The following EPAS1 variants were observed in gnomAD, a reference collection of about 807,000 sequenced individuals.
EPAS1 encodes the protein endothelial PAS domain protein 1.
A neutral mutation model predicts 87.9 loss-of-function variants in EPAS1; 23 were observed. The ratio of observed to expected loss-of-function variants is 0.26; its 90% CI spans 0.19 to 0.37. EPAS1 has a LOEUF of 0.37. Ranked by LOEUF, EPAS1 falls within the 10% of genes least tolerant of loss-of-function variation. EPAS1 has a pLI of 1.00. For synonymous variants in EPAS1, 508 were observed against 444.3 expected (o/e 1.14, Z -1.80); for missense variants, 1,138 against 1,120.7 (o/e 1.02, Z -0.22).
intron 15 of EPAS1, 122 bp from the exon 16 acceptor site, chr2:46,384,387 C>G: frequency 7.2e-7 from 1 of 1,381,004 alleles, no homozygotes; most frequent in East Asian, 2.3e-5. Flanking sequence ...GGGACAGACA[C>G]CACTGAAGGA....
chr2:46,369,953 C>A lies in EPAS1; in HGVS notation c.886+20C>A. The A allele has an allele frequency of 6.3e-7, 1 of 1,576,044 alleles. No homozygotes were observed. The highest frequency in any genetic ancestry group is 1.1e-5 in the South Asian group (1 of 88,508). ...AGAACTGTGAGTTCCAGGAGTGCCC[C>A]TTGTGGCTTCCTTGTGTCTGTGGTA... is the stretch of plus-strand genomic sequence containing the variant. On this transcript the variant is annotated intron_variant, in intron 7 of 15. Transcript: ENST00000263734.
At chr2:46,314,145 G>A (rs1036972799) in intron 1 of EPAS1, among the ~76,000 whole-genome samples, 2 of 152,088 alleles carry the variant, frequency 1.3e-5, no homozygotes, top group African/African-American at 2.4e-5. Flanking sequence ...TGTCTCTCTT[G>A]GCACCTTATT....
intron 2 of EPAS1, among the ~76,000 whole-genome samples, chr2:46,354,596 G>A (rs1684233988): frequency 6.6e-6 from 1 of 150,936 alleles, no homozygotes; most frequent in Non-Finnish European, 1.5e-5. Flanking sequence ...GTGGTTCCGG[G>A]TGGAAGTTTT....
Position 46,346,723 on chromosome 2 carries a change from G to C in EPAS1, c.27-150G>C. 1 of 770,262 alleles carries C rather than the reference G, an allele frequency of 1.3e-6. No individual in the cohort carries two copies. The highest frequency in any genetic ancestry group is 2.2e-6 in the Non-Finnish European group (1 of 455,890). The allele number at this position is 770,262 out of a possible 1,614,324, so 47.7% of individuals were successfully genotyped here. A position where few individuals can be genotyped will look rare whatever the true frequency, so the allele number is the denominator to read the frequency against. On this transcript the variant is annotated intron_variant, in intron 1 of 15. Transcript: ENST00000263734. This position sits in a 1 kb window ranked among gnomAD's most constrained non-coding sequence, Gnocchi z 4.0. ...CAGAGCTAACAATACAAAGCAGGTT[G>C]TGTGTGGCTCAGACAACTGGTGTGA...
At chr2:46,358,436 C>G (rs1244502761) in intron 4 of EPAS1, among the ~76,000 whole-genome samples, 1 of 152,184 alleles carries the variant, frequency 6.6e-6, no homozygotes, top group East Asian at 1.9e-4. Context: ...GTGCTTGAAG[C>G]CTGAGAAAGC....
In EPAS1 at chr2:46,375,487, T is replaced by A; in HGVS notation, c.887-203T>A. The A allele has an allele frequency of 1.6e-6, 1 of 643,086 alleles. No homozygotes were observed. Among genetic ancestry groups the A allele is most frequent in the South Asian group, 1.8e-5 (1 of 54,936 alleles). 39.8% of individuals were successfully genotyped at this position (643,086 alleles called of 1,614,324 possible). Reference sequence around the variant, plus strand: ...AAGTCATTTCACCTCTTCTCACCTCTTTTTCCTATATTTAAAATGAAGAGT... The same window carrying A: ...AAGTCATTTCACCTCTTCTCACCTCATTTTCCTATATTTAAAATGAAGAGT... On this transcript the variant is annotated intron_variant, in intron 7 of 15. Coordinates refer to ENST00000263734, the MANE Select transcript of EPAS1 (RefSeq NM_001430.5). This position sits in a 1 kb window ranked among gnomAD's most constrained non-coding sequence, Gnocchi z 4.1.
chr2:46,347,284 G>A lies in EPAS1; in HGVS notation c.217+221G>A. The A allele has an allele frequency of 1.6e-6, 1 of 616,102 alleles. No homozygotes were observed. Among genetic ancestry groups the A allele is most frequent in the Middle Eastern group, 4.3e-4 (1 of 2,310 alleles). The allele number at this position is 616,102 out of a possible 1,614,324, so 38.2% of individuals were successfully genotyped here. The stretch of plus-strand genomic sequence containing the variant: ...CAGCTGTGAGAGGAGGGCAGGGACA[G>A]GACCAGGGAAGAACATGGGCACCCA... On this transcript the variant is annotated intron_variant, in intron 2 of 15. Coordinates refer to ENST00000263734, the MANE Select transcript of EPAS1 (RefSeq NM_001430.5). This position sits in a 1 kb window ranked among gnomAD's most constrained non-coding sequence, Gnocchi z 4.2.
chr2:46,372,185 C>T (rs1684640050), intron 7 of EPAS1, among the ~76,000 whole-genome samples: 1 of 152,168 alleles, frequency 6.6e-6, no homozygotes, highest in South Asian at 2.1e-4. Context: ...GTAAAGCTGC[C>T]CTGAGCTCAG....
At chr2:46,326,024 A>C (rs181230481) in intron 1 of EPAS1, among the ~76,000 whole-genome samples, 1 of 152,346 alleles carries the variant, frequency 6.6e-6, no homozygotes, top group East Asian at 1.9e-4. Context: ...CATGGGTGCT[A>C]TTTTGAATAT....
intron 1 of EPAS1, among the ~76,000 whole-genome samples, chr2:46,328,089 A>G (rs764495794): frequency 1.3e-5 from 2 of 152,208 alleles, no homozygotes; most frequent in African/African-American, 2.4e-5. Flanking sequence ...CAGAGTCCAT[A>G]TGCAGATCGG....
chr2:46,382,376 C>G (rs1346040978), intron 14 of EPAS1, 49 bp from the exon 15 acceptor site: 1 of 1,606,094 alleles, frequency 6.2e-7, no homozygotes, highest in South Asian at 1.1e-5. Context: ...CTGGCCTCTC[C>G]CCTCCCTCAG....
At chr2:46,332,264 T>G (rs1373000558) in intron 1 of EPAS1, among the ~76,000 whole-genome samples, 2 of 122,186 alleles carry the variant, frequency 1.6e-5, no homozygotes, top group Admixed American at 1.0e-4. Flanking sequence ...ACAGAACTGG[T>G]GTTTCACAGA....
chr2:46,365,444 C>T (rs1018705054), intron 6 of EPAS1, among the ~76,000 whole-genome samples: 15 of 152,032 alleles, frequency 9.9e-5, no homozygotes, highest in African/African-American at 3.6e-4. Context: ...TGTTTTTCTA[C>T]AAAGAAGTTG....
intron 1 of EPAS1, among the ~76,000 whole-genome samples, chr2:46,308,369 T>A (rs1405508367): frequency 2.0e-5 from 3 of 150,878 alleles, no homozygotes; most frequent in Non-Finnish European, 3.0e-5. Context: ...GACACTTTAT[T>A]TGTTTTTGCC....
intron 1 of EPAS1, among the ~76,000 whole-genome samples, chr2:46,323,100 A>G (rs1359773034): frequency 6.6e-6 from 1 of 151,970 alleles, no homozygotes; most frequent in Non-Finnish European, 1.5e-5. Context: ...CAGCACTCCC[A>G]TGGCGACCTC....
intron 1 of EPAS1, among the ~76,000 whole-genome samples, chr2:46,307,987 A>G (rs1258968201): frequency 2.0e-5 from 3 of 152,174 alleles, no homozygotes; most frequent in Non-Finnish European, 4.4e-5. Context: ...TCCCAAGGGC[A>G]GCCACCATGG....
At chr2:46,356,589 C>T in intron 3 of EPAS1, 135 bp from the exon 4 acceptor site, 1 of 778,312 alleles carries the variant, frequency 1.3e-6, no homozygotes. Flanking sequence ...GTGGACCTGA[C>T]ACTGGACTGG....
chr2:46,342,635 CTCACT>C (rs1683934353), intron 1 of EPAS1, among the ~76,000 whole-genome samples: 1 of 152,166 alleles, frequency 6.6e-6, no homozygotes, highest in Admixed American at 6.5e-5. Flanking sequence ...ATCTTGGGGC[CTCACT>C]CCAGGCTGTG....
intron 1 of EPAS1, among the ~76,000 whole-genome samples, chr2:46,332,859 C>T (rs1325878490): frequency 1.3e-5 from 2 of 152,120 alleles, no homozygotes; most frequent in African/African-American, 4.8e-5. Context: ...ACAGATTGTT[C>T]TGTAGTGTCG....
Sources: gnomAD v4.1 joint callset for allele counts (sites outside exome capture counted in the v4.1 genomes callset) on GRCh38, gnomAD v4.1.1 for gene constraint, Gnocchi (gnomAD v3.1) non-coding constraint, MANE v1.5 for transcripts, NCBI Gene and HGNC (gene_info 2026-07-23, HGNC 2026-07-21) for gene names.